MARK3: variants seen among roughly 807,000 people sequenced by gnomAD.
The protein encoded by MARK3 is microtubule affinity regulating kinase 3.
In MARK3, 46 loss-of-function variants were observed where a neutral mutation model predicts 90.1. The ratio of observed to expected loss-of-function variants is 0.51; its 90% confidence interval spans 0.40 to 0.65. The LOEUF (loss-of-function observed/expected upper bound fraction) is 0.65. MARK3 is among the 30% of genes least tolerant of loss of function. MARK3 has a pLI of 0.00. For missense variants in MARK3, 818 were observed against 947.2 expected (o/e 0.86, Z 1.79); for synonymous variants, 321 against 332.6 (o/e 0.97, Z 0.38).
At chr14:103,465,149 G>A (rs1035105228) in intron 7 of MARK3, among the ~76,000 whole-genome samples, 8 of 152,134 alleles carry the variant, frequency 5.3e-5, no homozygotes, top group African/African-American at 1.9e-4. Flanking sequence ...TGTATTTTTA[G>A]TAAAGACAGG....
At chr14:103,400,129 A>C (rs1441429402) in intron 1 of MARK3, among the ~76,000 whole-genome samples, 8 of 152,052 alleles carry the variant, frequency 5.3e-5, no homozygotes, top group Non-Finnish European at 1.0e-4. Context: ...GGGTTTCACC[A>C]TGTTGGCCAG....
At chr14:103,464,139 T>A (rs2093456295) in intron 7 of MARK3, among the ~76,000 whole-genome samples, 1 of 152,162 alleles carries the variant, frequency 6.6e-6, no homozygotes. Context: ...GACAGCTGCT[T>A]ATCATTCTCC....
chr14:103,445,623 CAGG>C (rs2092974636), intron 3 of MARK3, among the ~76,000 whole-genome samples: 1 of 152,244 alleles, frequency 6.6e-6, no homozygotes, highest in African/African-American at 2.4e-5. Flanking sequence ...TGCTGTAACT[CAGG>C]AGTTCTCGCA....
intron 2 of MARK3, among the ~76,000 whole-genome samples, chr14:103,413,668 G>A (rs2091794205): frequency 6.6e-6 from 1 of 151,632 alleles, no homozygotes; most frequent in Non-Finnish European, 1.5e-5. Flanking sequence ...ATATTGCCCA[G>A]GCTGGTCTTG....
At chr14:103,466,497 G>T (rs1056353130) in intron 10 of MARK3, 55 bp downstream of exon 10, 10 of 1,145,338 alleles carry the variant, frequency 8.7e-6, no homozygotes, top group Non-Finnish European at 1.3e-5. Context: ...ACATATTTCT[G>T]TTTTGACTCA....
chr14:103,424,305 G>C (rs2092327005), intron 2 of MARK3, among the ~76,000 whole-genome samples: 1 of 152,000 alleles, frequency 6.6e-6, no homozygotes, highest in African/African-American at 2.4e-5. Context: ...GGCTGAGGTG[G>C]GCAGATCGCT....
intron 16 of MARK3, chr14:103,498,902 G>A (rs1409284308): frequency 6.4e-6 from 1 of 155,680 alleles, no homozygotes; most frequent in Non-Finnish European, 1.4e-5. Flanking sequence ...CATGCAAAAG[G>A]TAAGTATTAG....
intron 2 of MARK3, among the ~76,000 whole-genome samples, chr14:103,420,671 A>C (rs1429154127): frequency 1.3e-5 from 2 of 152,214 alleles, no homozygotes; most frequent in Non-Finnish European, 2.9e-5. Context: ...CCAGGCAGAT[A>C]GTTAATACTC....
At chr14:103,488,361 TCTC>T (rs995915944) in intron 14 of MARK3, among the ~76,000 whole-genome samples, 2 of 152,106 alleles carry the variant, frequency 1.3e-5, no homozygotes. Flanking sequence ...CCTCAGGTGG[TCTC>T]CTTGATCTGT....
rs368485222 is a variant in MARK3 at position 103,500,198 on chromosome 14, A to G, written c.1914A>G (p.Ser638=). 6.3e-7 allele frequency: 1 copy of G among 1,595,742 alleles called. No homozygotes were observed. The change falls in exon 17 of 18, where the codon TCA becomes TCG. Residue 638 remains serine (S), a splice_region_variant and synonymous_variant. Transcript: ENST00000429436. ...EYERNGRYEG[S]SRNVSAEQKD... is the part of the protein sequence containing the mutation. ...AGAGGAACGGGAGATATGAGGGCTC[A>G]AGGTGAGGGAAATGATTTTTACTTA...
Position 103,503,192 on chromosome 14 carries a change from AT to A in MARK3, c.2229del (p.Ile743MetfsTer9), listed in dbSNP as rs1418108437. The A allele has an allele frequency of 6.2e-7, 1 of 1,611,468 alleles. No individual in the cohort carries two copies. Among genetic ancestry groups the A allele is most frequent in the South Asian group, 1.1e-5 (1 of 90,976 alleles). ...ISGTSIAFKN[I>X]ASKIANELKL The stretch of plus-strand genomic sequence containing the variant: ...GGGGACATCCATAGCCTTCAAAAAT[AT>A]TGCTTCCAAAATTGCCAATGAGCTA... On this transcript the variant is annotated frameshift_variant, in exon 18 of 18. Transcript: ENST00000429436. LOFTEE classifies it high-confidence loss of function.
Position 103,503,146 on chromosome 14 carries a change from G to A in MARK3, c.2181G>A (p.Gly727=), listed in dbSNP as rs769747030. 1.9e-6 allele frequency: 3 copies of A among 1,614,174 alleles called. No homozygotes were observed. In the South Asian group the frequency reaches 3.3e-5, roughly 18 times the overall value. ...VCKLPRLSLN[G]VRFKRISGTS... is the part of the protein sequence containing the mutation. ...AGCTGCCAAGACTGTCTCTGAACGG[G>A]GTCCGGTTTAAGCGGATATCGGGGA... is the stretch of plus-strand genomic sequence containing the variant. Residue 727 remains glycine (G), a synonymous_variant, in exon 18 of 18, where the codon GGG becomes GGA. Transcript: ENST00000429436.
At chr14:103,407,315 C>T (rs1223795465) in intron 2 of MARK3, among the ~76,000 whole-genome samples, 1 of 152,118 alleles carries the variant, frequency 6.6e-6, no homozygotes, top group African/African-American at 2.4e-5. Flanking sequence ...ATGTTACTTG[C>T]TAATCAATAT....
At chr14:103,391,565 A>G (rs1477533051) in intron 1 of MARK3, among the ~76,000 whole-genome samples, 2 of 147,090 alleles carry the variant, frequency 1.4e-5, no homozygotes, top group Non-Finnish European at 3.0e-5. Context: ...TTTAATTGAG[A>G]TGGAGTCTTG....
chr14:103,500,765 G>A (rs1332001887), intron 17 of MARK3, among the ~76,000 whole-genome samples: 1 of 151,988 alleles, frequency 6.6e-6, no homozygotes, highest in African/African-American at 2.4e-5. Context: ...TGGAACCACA[G>A]GCACTGCCAC....
At chr14:103,391,908 C>T (rs556135728) in intron 1 of MARK3, among the ~76,000 whole-genome samples, 1 of 152,048 alleles carries the variant, frequency 6.6e-6, no homozygotes, top group South Asian at 2.1e-4. Context: ...AGTTTATGTT[C>T]TATAGTTATA....
intron 1 of MARK3, among the ~76,000 whole-genome samples, chr14:103,387,617 C>T (rs917397643): frequency 1.1e-4 from 16 of 151,368 alleles, no homozygotes; most frequent in African/African-American, 2.9e-4. Context: ...CTCAGCCTCC[C>T]GAGTAGCTGG....
intron 14 of MARK3, among the ~76,000 whole-genome samples, chr14:103,485,063 CAAA>C (rs34312214): frequency 1.4e-4 from 14 of 97,750 alleles, no homozygotes; most frequent in South Asian, 7.7e-4. Context: ...ACTAAAAATA[CAAA>C]AAAAAAAAAA....
At position 103,491,932 on chromosome 14, in the gene MARK3, C is replaced by G. The variant is rs1408679997; in HGVS notation, c.1742C>G (p.Pro581Arg). 1 of 1,614,082 alleles carries G rather than the reference C, an allele frequency of 6.2e-7. No individual in the cohort carries two copies. The highest frequency in any genetic ancestry group is 2.2e-5 in the East Asian group (1 of 44,900). Reference sequence around the variant, plus strand: ...CGAACCGCAACATATAATGGCCCTCCTGCCTCTCCCAGCCTGTCCCATGAA... The same window carrying G: ...CGAACCGCAACATATAATGGCCCTCGTGCCTCTCCCAGCCTGTCCCATGAA... ...ERRTATYNGP[P>R]ASPSLSHEAT... Residue 581 changes from proline (P) to arginine (R), a missense_variant, in exon 15 of 18, where the codon CCT (proline) becomes CGT (arginine). By Grantham distance (103) the Pro-to-Arg change is moderately radical. Around this residue, in one of 3 missense-constraint regions of MARK3, gnomAD observed 560 missense variants for 613.5 expected, o/e 0.91. Coordinates refer to ENST00000429436, the MANE Select transcript of MARK3 (RefSeq NM_001128918.3).
Sources: allele counts gnomAD v4.1 joint callset (sites outside exome capture counted in the v4.1 genomes callset), GRCh38; gene constraint gnomAD v4.1.1; regional missense constraint gnomAD v4.1.1; transcripts MANE v1.5; gene names NCBI Gene and HGNC (gene_info 2026-07-23, HGNC 2026-07-21).